The following PDZRN4 variants were observed in gnomAD, a reference collection of about 807,000 sequenced individuals.
PDZRN4 encodes the protein PDZ domain-containing RING finger protein 4.
A neutral mutation model predicts 99.0 loss-of-function variants in PDZRN4; 70 were observed. The ratio of observed to expected loss-of-function variants is 0.71; its 90% confidence interval spans 0.58 to 0.86. The LOEUF (loss-of-function observed/expected upper bound fraction) is 0.86. PDZRN4 is among the 40% of genes least tolerant of loss of function. The pLI is 0.00. For missense variants in PDZRN4, 1,474 were observed against 1,331.2 expected (o/e 1.11, Z -1.67); for synonymous variants, 551 against 501.6 (o/e 1.10, Z -1.32).
chr12:41,268,464 C>A (rs893160140), intron 3 of PDZRN4, among the ~76,000 whole-genome samples: 7 of 152,170 alleles, frequency 4.6e-5, no homozygotes, highest in African/African-American at 1.4e-4. Flanking sequence ...TTTTCTTGAC[C>A]AAACCAGACA....
At chr12:41,467,275 T>A (rs1038291943) in intron 3 of PDZRN4, among the ~76,000 whole-genome samples, 67 of 152,324 alleles carry the variant, frequency 4.4e-4, no homozygotes, top group African/African-American at 1.5e-3. Flanking sequence ...AAAATTTGTT[T>A]AATAGTATTG....
At chr12:41,198,003 C>T (rs1255619196) in intron 3 of PDZRN4, among the ~76,000 whole-genome samples, 1 of 147,780 alleles carries the variant, frequency 6.8e-6, no homozygotes, top group African/African-American at 2.5e-5. Context: ...CAGCCTCTAC[C>T]TCTGGGACTC....
Position 41,191,459 on chromosome 12 carries a change from A to G in PDZRN4, c.650A>G (p.Asp217Gly). The G allele has an allele frequency of 1.4e-6, 2 of 1,478,246 alleles. No homozygotes were observed. Among genetic ancestry groups the G allele is most frequent in the Non-Finnish European group, 9.3e-7 (1 of 1,074,546 alleles). 91.6% of individuals were successfully genotyped at this position (1,478,246 alleles called of 1,614,324 possible). The change falls in exon 2 of 10, where the codon GAT (aspartate) becomes GGT (glycine). Residue 217 changes from aspartate (D) to glycine (G), a missense_variant and splice_region_variant. Transcript: ENST00000402685. ...VGDLGGGHRR[D>G]GEHKPFTIVL... ...GTCATTTTATACATTTTTTTCTAGG[A>G]TGGAGAGCATAAGCCATTCACTATT...
intron 3 of PDZRN4, among the ~76,000 whole-genome samples, chr12:41,218,761 T>G (rs1017995909): frequency 7.9e-5 from 12 of 152,132 alleles, no homozygotes; most frequent in African/African-American, 2.9e-4. Flanking sequence ...TATCCATTGC[T>G]CCTTGCACAT....
chr12:41,555,379 T>C (rs542029388), intron 6 of PDZRN4, among the ~76,000 whole-genome samples: 1 of 149,064 alleles, frequency 6.7e-6, no homozygotes, highest in Non-Finnish European at 1.5e-5. Flanking sequence ...ACAGTTGGGA[T>C]ACAGAAATGA....
intron 3 of PDZRN4, among the ~76,000 whole-genome samples, chr12:41,420,311 C>T (rs1178183742): frequency 1.3e-5 from 2 of 152,138 alleles, no homozygotes; most frequent in African/African-American, 2.4e-5. Context: ...CATCTTCAGC[C>T]TCTTCTTTCT....
At chr12:41,501,086 T>C (rs959404179) in intron 3 of PDZRN4, among the ~76,000 whole-genome samples, 1 of 152,162 alleles carries the variant, frequency 6.6e-6, no homozygotes, top group African/African-American at 2.4e-5. Flanking sequence ...TTATCCTCAA[T>C]TTCAAATTCG....
chr12:41,433,765 C>T (rs1016610499), intron 3 of PDZRN4, among the ~76,000 whole-genome samples: 1 of 152,208 alleles, frequency 6.6e-6, no homozygotes, highest in African/African-American at 2.4e-5. Context: ...CTTGGATTTT[C>T]TATTCCTTTC....
At chr12:41,556,519 A>G (rs780725665) in intron 7 of PDZRN4, among the ~76,000 whole-genome samples, 65 of 152,260 alleles carry the variant, frequency 4.3e-4, no homozygotes, top group Non-Finnish European at 7.8e-4. Context: ...CTAAACGTAG[A>G]AAAGGTATAG....
At position 41,507,721 on chromosome 12, in the gene PDZRN4, C is replaced by T. The variant is rs75565732; in HGVS notation, c.1100+1009C>T. ...CTCCCTAGGCAATCCTAATGTGCAGCCAAGTTTTGAAAACACTTCTTGAGA... is the reference window on the plus strand; with the variant it reads ...CTCCCTAGGCAATCCTAATGTGCAGTCAAGTTTTGAAAACACTTCTTGAGA... On this transcript the variant is annotated intron_variant, in intron 4 of 9. Transcript: ENST00000402685. Among the ~76,000 whole-genome samples, 1,349 of 152,168 alleles carry T rather than the reference C, an allele frequency of 8.9e-3. 57 individuals are homozygous for T. In the East Asian group the frequency reaches 0.14, roughly 15 times the overall value.
chr12:41,358,034 A>G (rs1370566435), intron 3 of PDZRN4, among the ~76,000 whole-genome samples: 1 of 152,024 alleles, frequency 6.6e-6, no homozygotes, highest in African/African-American at 2.4e-5. Flanking sequence ...GGAGACAATC[A>G]TAAGTGAGGA....
intron 3 of PDZRN4, among the ~76,000 whole-genome samples, chr12:41,385,773 C>T (rs1488783296): frequency 6.6e-6 from 1 of 152,022 alleles, no homozygotes; most frequent in Non-Finnish European, 1.5e-5. Context: ...CCCTGCTATT[C>T]CAAAAAGTTG....
rs1161185288 is a variant in PDZRN4 at position 41,573,827 on chromosome 12, T to C, written c.3048T>C (p.His1016=). ...NWMTIQELMT[H]GAKSPDGTRV... ...TGACAATCCAAGAACTGATGACCCA[T>C]GGGGCCAAGTCTCCAGATGGCACGA... Residue 1016 remains histidine (H), a synonymous_variant, in exon 10 of 10, where the codon CAT becomes CAC. Coordinates refer to ENST00000402685, the MANE Select transcript of PDZRN4 (RefSeq NM_001164595.2). The C allele has an allele frequency of 1.2e-6, 2 of 1,609,012 alleles. No individual in the cohort carries two copies. Among genetic ancestry groups the C allele is most frequent in the South Asian group, 2.2e-5 (2 of 90,214 alleles).
chr12:41,470,375 G>A (rs1375930859), intron 3 of PDZRN4, among the ~76,000 whole-genome samples: 2 of 152,064 alleles, frequency 1.3e-5, no homozygotes, highest in Non-Finnish European at 2.9e-5. Context: ...GGGTTTTTTT[G>A]TATGTGTTTT....
At chr12:41,260,306 A>G (rs1178903375) in intron 3 of PDZRN4, among the ~76,000 whole-genome samples, 1 of 152,158 alleles carries the variant, frequency 6.6e-6, no homozygotes, top group Non-Finnish European at 1.5e-5. Context: ...CCCTAACATA[A>G]CAGCAGAGAT....
chr12:41,531,490 T>C (rs1938661142), intron 5 of PDZRN4, among the ~76,000 whole-genome samples: 2 of 152,204 alleles, frequency 1.3e-5, no homozygotes, highest in South Asian at 2.1e-4. Flanking sequence ...CAGCCTCTTG[T>C]GTGTCTGCTT....
chr12:41,456,482 C>T (rs1041700068), intron 3 of PDZRN4, among the ~76,000 whole-genome samples: 7 of 152,056 alleles, frequency 4.6e-5, no homozygotes, highest in African/African-American at 1.4e-4. Context: ...CTGAATTAGG[C>T]AAGGGAATAA....
chr12:41,277,111 C>A (rs947976776), intron 3 of PDZRN4, among the ~76,000 whole-genome samples: 1 of 152,100 alleles, frequency 6.6e-6, no homozygotes, highest in African/African-American at 2.4e-5. Flanking sequence ...TTGTAAATTG[C>A]AACTTTAAAA....
intron 2 of PDZRN4, among the ~76,000 whole-genome samples, chr12:41,192,255 C>T (rs1157958379): frequency 1.3e-5 from 2 of 152,096 alleles, no homozygotes; most frequent in Non-Finnish European, 2.9e-5. Flanking sequence ...AGGCGTGTGC[C>T]ACCACGCCCA....
Sources: allele counts gnomAD v4.1 joint callset (sites outside exome capture counted in the v4.1 genomes callset), GRCh38; gene constraint gnomAD v4.1.1; transcripts MANE v1.5; gene names NCBI Gene and HGNC (gene_info 2026-07-23, HGNC 2026-07-21).